CUX2: variants seen among roughly 807,000 people sequenced by gnomAD.
CUX2 encodes cut like homeobox 2, also known as homeobox protein cut-like 2.
A neutral mutation model predicts 144.8 loss-of-function variants in CUX2; 40 were observed. The observed-to-expected ratio is 0.28, with a 90% confidence interval of 0.21 to 0.36. The LOEUF (loss-of-function observed/expected upper bound fraction) is 0.36. Among genes scored for constraint, CUX2 ranks in the 10% least tolerant of loss-of-function variants. CUX2 has a pLI of 1.00. For synonymous variants in CUX2, 827 were observed against 875.6 expected (o/e 0.94, Z 0.98); for missense variants, 1,615 against 1,994.0 (o/e 0.81, Z 3.62).
chr12:111,328,961 CTCTCTCTCTCT>C, intron 18 of CUX2, among the ~76,000 whole-genome samples: 1 of 103,602 alleles, frequency 9.7e-6, no homozygotes, highest in Non-Finnish European at 1.8e-5. Flanking sequence ...CTCTCTCTCT[CTCTCTCTCTCT>C]CTCCCCCTCT....
Position 111,320,254 on chromosome 12 carries a change from G to A in CUX2, c.2245G>A (p.Glu749Lys). ...GGCCCCGGCCTTGGTGAAGCAGGAG[G>A]AGGGCAGCGGGGGCCCCGCGCAGGC... ...NGAPALVKQE[E>K]GSGGPAQAPL... Residue 749 changes from glutamate (E) to lysine (K), a missense_variant, in exon 17 of 22, where the codon GAG (glutamate) becomes AAG (lysine). Glu to Lys is a moderately conservative substitution (Grantham distance 56). Transcript: ENST00000261726. The surrounding 1 kb of genome is among the most constrained non-coding windows in gnomAD (Gnocchi z 8.1). The A allele has an allele frequency of 6.3e-7, 1 of 1,587,684 alleles. No individual in the cohort carries two copies. The highest frequency in any genetic ancestry group is 1.3e-5 in the African/African-American group (1 of 74,144).
chr12:111,103,231 C>T (rs529814651), intron 1 of CUX2, among the ~76,000 whole-genome samples: 2 of 152,276 alleles, frequency 1.3e-5, no homozygotes, highest in South Asian at 4.1e-4. Flanking sequence ...ACCATGCTCA[C>T]TGTGGCTAAC....
Position 111,338,274 on chromosome 12 carries a change from C to T in CUX2, c.3197-12C>T, listed in dbSNP as rs1888441822. The T allele has an allele frequency of 2.5e-6, 4 of 1,596,356 alleles. No individual in the cohort carries two copies. Among genetic ancestry groups the T allele is most frequent in the Non-Finnish European group, 1.7e-6 (2 of 1,170,162 alleles). On this transcript the variant is annotated splice_polypyrimidine_tract_variant and intron_variant, in intron 19 of 21. Transcript: ENST00000261726. Reference sequence around the variant, plus strand: ...CCTCGGGTAACAGATTGCTCCCCTCCCCTATCCCCAGGGCAGCGGCTGTTT... The same window carrying T: ...CCTCGGGTAACAGATTGCTCCCCTCTCCTATCCCCAGGGCAGCGGCTGTTT...
At position 111,320,792 on chromosome 12, in the gene CUX2, C is replaced by G. The variant is rs758204440; in HGVS notation, c.2766+17C>G. 4.7e-6 allele frequency: 7 copies of G among 1,485,160 alleles called. No individual in the cohort carries two copies. The Admixed American group carries it at 1.3e-4, about 28-fold the overall frequency. 92.0% of individuals were successfully genotyped at this position (1,485,160 alleles called of 1,614,324 possible). A position where few individuals can be genotyped will look rare whatever the true frequency, so the allele number is the denominator to read the frequency against. Reference sequence around the variant, plus strand: ...GGGGAGAAGGTGAGTGCAGGGCGGGCCCCCGGTGTCTGGGCTCTGGGAGAA... The same window carrying G: ...GGGGAGAAGGTGAGTGCAGGGCGGGGCCCCGGTGTCTGGGCTCTGGGAGAA... On this transcript the variant is annotated intron_variant, in intron 17 of 21. Transcript: ENST00000261726. This position sits in a 1 kb window ranked among gnomAD's most constrained non-coding sequence, Gnocchi z 8.1.
At chr12:111,040,809 TG>T (rs1259668832) in intron 1 of CUX2, among the ~76,000 whole-genome samples, 1 of 152,188 alleles carries the variant, frequency 6.6e-6, no homozygotes, top group Non-Finnish European at 1.5e-5. Context: ...GCCATTAGCA[TG>T]AAACAGCCAC....
intron 1 of CUX2, among the ~76,000 whole-genome samples, chr12:111,090,190 C>G (rs1357021149): frequency 6.6e-6 from 1 of 152,184 alleles, no homozygotes; most frequent in East Asian, 1.9e-4. Flanking sequence ...TGACAGAGCT[C>G]TCCGTGGGGC....
intron 3 of CUX2, among the ~76,000 whole-genome samples, chr12:111,257,017 T>C (rs906967789): frequency 2.3e-4 from 35 of 152,246 alleles, no homozygotes; most frequent in African/African-American, 8.4e-4. Flanking sequence ...AGAACAGGCT[T>C]GACTCGCCCC....
intron 1 of CUX2, among the ~76,000 whole-genome samples, chr12:111,208,469 A>T (rs1881036410): frequency 6.6e-6 from 1 of 152,188 alleles, no homozygotes. Flanking sequence ...ACCCAGACGA[A>T]TTGAGAATGC....
intron 1 of CUX2, among the ~76,000 whole-genome samples, chr12:111,195,237 T>TC (rs1426314524): frequency 2.0e-5 from 3 of 152,172 alleles, no homozygotes; most frequent in Non-Finnish European, 4.4e-5. Context: ...CACCTTTTTT[T>TC]CCCTCCCCTG....
chr12:111,258,934 T>TA (rs921500324), intron 3 of CUX2, among the ~76,000 whole-genome samples: 1 of 151,996 alleles, frequency 6.6e-6, no homozygotes, highest in Admixed American at 6.6e-5. Flanking sequence ...CAAGTGCACT[T>TA]AGAGTGCATT....
intron 1 of CUX2, among the ~76,000 whole-genome samples, chr12:111,145,606 C>T (rs1017431677): frequency 6.6e-6 from 1 of 152,028 alleles, no homozygotes; most frequent in African/African-American, 2.4e-5. Context: ...AGCCTCAAGT[C>T]TTCCTCCTGC....
At chr12:111,071,926 T>C (rs1387354230) in intron 1 of CUX2, among the ~76,000 whole-genome samples, 8 of 152,224 alleles carry the variant, frequency 5.3e-5, no homozygotes, top group South Asian at 2.1e-4. Context: ...GTTAACTATA[T>C]TTATGTGGGT....
chr12:111,295,329 G>T lies in CUX2; in HGVS notation c.561-4G>T, dbSNP rs749115634. 1 of 1,612,112 alleles carries T rather than the reference G, an allele frequency of 6.2e-7. No individual in the cohort carries two copies. The highest frequency in any genetic ancestry group is 2.2e-5 in the East Asian group (1 of 44,752). The stretch of plus-strand genomic sequence containing the variant: ...CAGCACAAGCAGGCCTCGTCTCTCC[G>T]CAGGGGCCTTCAAGAAGTACAGATC... On this transcript the variant is annotated splice_region_variant and splice_polypyrimidine_tract_variant and intron_variant, in intron 6 of 21. Transcript: ENST00000261726. The surrounding 1 kb of genome is among the most constrained non-coding windows in gnomAD (Gnocchi z 5.0).
At chr12:111,069,220 G>A (rs771291650) in intron 1 of CUX2, among the ~76,000 whole-genome samples, 3 of 152,130 alleles carry the variant, frequency 2.0e-5, no homozygotes, top group African/African-American at 4.8e-5. Flanking sequence ...AAGACAGTAT[G>A]GGAAAATTAC....
Position 111,274,958 on chromosome 12 carries a change from A to C in CUX2, c.301+11119A>C, listed in dbSNP as rs1054840844. 5.9e-5 allele frequency among the ~76,000 whole-genome samples: 9 copies of C among 152,020 alleles called. 1 individual carries two copies. In the South Asian group the frequency reaches 1.7e-3, roughly 28 times the overall value. On this transcript the variant is annotated intron_variant, in intron 4 of 21. Transcript: ENST00000261726. ...CCAACCCCCTCCATGATTCAAAAAAAAAAAACAAAAAAACAAAAAAAAACC... is the reference window on the plus strand; with the variant it reads ...CCAACCCCCTCCATGATTCAAAAAACAAAAACAAAAAAACAAAAAAAAACC...
chr12:111,225,046 T>G (rs964513498), intron 3 of CUX2, among the ~76,000 whole-genome samples: 2 of 152,088 alleles, frequency 1.3e-5, no homozygotes, highest in African/African-American at 4.8e-5. Context: ...GCTGGGACTA[T>G]AGGCGCACAA....
Position 111,341,931 on chromosome 12 carries a change from G to A in CUX2, c.3537G>A (p.Glu1179=). 5 of 1,614,168 alleles carry A rather than the reference G, an allele frequency of 3.1e-6. No homozygotes were observed. The highest frequency in any genetic ancestry group is 4.2e-6 in the Non-Finnish European group (5 of 1,180,020). The change falls in exon 21 of 22, where the codon GAG becomes GAA. Residue 1179 remains glutamate, a synonymous_variant. Coordinates refer to ENST00000261726, the MANE Select transcript of CUX2 (RefSeq NM_015267.4). ...KKPRVVLAPE[E]KEALRKAYQL... is the part of the protein sequence containing the mutation. The stretch of plus-strand genomic sequence containing the variant: ...CCCGGGTGGTGCTGGCACCCGAGGA[G>A]AAGGAGGCACTGCGGAAGGCCTATC...
intron 1 of CUX2, among the ~76,000 whole-genome samples, chr12:111,081,126 C>T (rs1871861424): frequency 6.6e-6 from 1 of 152,094 alleles, no homozygotes; most frequent in African/African-American, 2.4e-5. Context: ...ACCATGCTGT[C>T]ACCGTTTCCG....
At chr12:111,211,607 C>T (rs1881232000) in intron 1 of CUX2, among the ~76,000 whole-genome samples, 1 of 152,100 alleles carries the variant, frequency 6.6e-6, no homozygotes. Flanking sequence ...CAGACACGGC[C>T]GGGTGTGGTG....
Sources: gnomAD v4.1 joint callset for allele counts (sites outside exome capture counted in the v4.1 genomes callset) on GRCh38, gnomAD v4.1.1 for gene constraint, Gnocchi (gnomAD v3.1) non-coding constraint, MANE v1.5 for transcripts, NCBI Gene and HGNC (gene_info 2026-07-23, HGNC 2026-07-21) for gene names.